Variants in RPN1 observed in about 807,000 individuals in gnomAD.
The protein encoded by RPN1 is dolichyl-diphosphooligosaccharide--protein glycosyltransferase subunit 1.
Under a neutral mutation model 55.5 loss-of-function variants are expected in RPN1, and 12 were observed. That is an observed-to-expected ratio of 0.22 (90% confidence interval 0.14 to 0.35). The LOEUF is 0.35. RPN1 is among the 10% of genes least tolerant of loss of function. RPN1 has a pLI of 1.00. For missense variants in RPN1, 679 were observed against 761.3 expected (o/e 0.89, Z 1.27); for synonymous variants, 317 against 305.9 (o/e 1.04, Z -0.38).
intron 5 of RPN1, among the ~76,000 whole-genome samples, chr3:128,628,925 T>C (rs1448333081): frequency 6.6e-6 from 1 of 151,924 alleles, no homozygotes; most frequent in Non-Finnish European, 1.5e-5. Flanking sequence ...GAGGTTGCAG[T>C]GAGTGAAGAT....
chr3:128,622,471 C>G (rs1338656159), intron 8 of RPN1, 62 bp from the exon 9 acceptor site: 2 of 1,595,568 alleles, frequency 1.3e-6, no homozygotes, highest in African/African-American at 2.7e-5. Flanking sequence ...CTGACCTTAT[C>G]TCCCAAAGAA....
At position 128,650,742 on chromosome 3, in the gene RPN1, G is replaced by T; in HGVS notation, c.59C>A (p.Ala20Glu). 6.4e-7 allele frequency: 1 copy of T among 1,553,494 alleles called. No individual in the cohort carries two copies. The change falls in exon 1 of 10, where the codon GCG becomes GAG. Residue 20 changes from alanine to glutamate, a missense_variant. Ala to Glu is a moderately radical substitution (Grantham distance 107). Transcript: ENST00000296255. Reference sequence around the variant, plus strand: ...TGCCTCGGAGGAGGCGCTGCCCGGCGCCGGGGCCCAAGTCCCAAGCAACAG... The same window carrying T: ...TGCCTCGGAGGAGGCGCTGCCCGGCTCCGGGGCCCAAGTCCCAAGCAACAG... ...LLLLLGTWAP[A>E]PGSASSEAPP...
At chr3:128,633,758 G>A (rs987095025) in intron 3 of RPN1, among the ~76,000 whole-genome samples, 3 of 152,116 alleles carry the variant, frequency 2.0e-5, no homozygotes, top group Admixed American at 6.5e-5. Context: ...GCCAAGGCGG[G>A]CAGATCACAA....
chr3:128,638,683 T>C (rs1385595380), intron 2 of RPN1, among the ~76,000 whole-genome samples: 5 of 152,138 alleles, frequency 3.3e-5, no homozygotes, highest in African/African-American at 1.2e-4. Context: ...GGTGATCTCT[T>C]GGCTGGGTGC....
At position 128,621,978 on chromosome 3, in the gene RPN1, C is replaced by T. The variant is rs144498790; in HGVS notation, c.1641+186G>A. ...CAGAGCTTCCTCCACACCCAGCTCA[C>T]ACCAGGACCCCAAAAATCCCTTTTT... is the stretch of plus-strand genomic sequence containing the variant. On this transcript the variant is annotated intron_variant, in intron 9 of 9. Coordinates refer to ENST00000296255, the MANE Select transcript of RPN1 (RefSeq NM_002950.4). Among the ~76,000 whole-genome samples, 82 of 152,350 alleles carry T rather than the reference C, an allele frequency of 5.4e-4. 1 individual carries two copies. In the East Asian group the frequency reaches 0.016, roughly 29 times the overall value.
At chr3:128,641,093 C>G (rs2069720755) in intron 2 of RPN1, 1 of 151,738 alleles carries the variant, frequency 6.6e-6, no homozygotes, top group Non-Finnish European at 1.5e-5. Context: ...GTACATGGAG[C>G]AGGTCTTTTT....
chr3:128,632,791 C>T (rs1269861485), intron 3 of RPN1, among the ~76,000 whole-genome samples: 4 of 152,112 alleles, frequency 2.6e-5, no homozygotes, highest in Admixed American at 6.6e-5. Flanking sequence ...GATGGGGTTT[C>T]ACCATGTTGG....
At chr3:128,626,318 G>A (rs1024189511) in intron 6 of RPN1, among the ~76,000 whole-genome samples, 4 of 152,188 alleles carry the variant, frequency 2.6e-5, no homozygotes, top group African/African-American at 9.7e-5. Flanking sequence ...CAGCTCTCCT[G>A]TACATCCTAC....
In RPN1 at chr3:128,638,054, C is replaced by G; in HGVS notation, c.378G>C (p.Lys126Asn). The G allele has an allele frequency of 6.2e-7, 1 of 1,614,094 alleles. No individual in the cohort carries two copies. Among genetic ancestry groups the G allele is most frequent in the Non-Finnish European group, 8.5e-7 (1 of 1,179,992 alleles). ...KLPVALDPGA[K>N]ISVIVETVYT... Reference sequence around the variant, plus strand: ...AGACTGTTTCCACAATGACTGAAATCTTGGCCCCAGGATCAAGAGCAACTG... The same window carrying G: ...AGACTGTTTCCACAATGACTGAAATGTTGGCCCCAGGATCAAGAGCAACTG... Residue 126 changes from lysine to asparagine, a missense_variant, in exon 3 of 10, where the codon AAG becomes AAC. By Grantham distance (94) the Lys-to-Asn change is moderately conservative (BLOSUM62 0). Around this residue, in one of 3 missense-constraint regions of RPN1, gnomAD observed 352 missense variants for 352.8 expected, o/e 1.00. Coordinates refer to ENST00000296255, the MANE Select transcript of RPN1 (RefSeq NM_002950.4).
At chr3:128,626,413 C>T (rs752245660) in intron 6 of RPN1, among the ~76,000 whole-genome samples, 2 of 152,148 alleles carry the variant, frequency 1.3e-5, no homozygotes, top group African/African-American at 4.8e-5. Flanking sequence ...GAGCTTCTTA[C>T]GGGGCAGGGG....
At chr3:128,639,664 C>T (rs568637324) in intron 2 of RPN1, among the ~76,000 whole-genome samples, 57 of 151,806 alleles carry the variant, frequency 3.8e-4, no homozygotes, top group African/African-American at 1.2e-3. Flanking sequence ...CTTGGCTCAC[C>T]GCAACCTCCG....
In RPN1 at chr3:128,622,028, GA is replaced by G. The variant is rs1432136051; in HGVS notation, c.1641+135del. On this transcript the variant is annotated intron_variant, in intron 9 of 9. Transcript: ENST00000296255. Reference sequence around the variant, plus strand: ...TCCTCCACAAGGACTGGCACCACATGAAAAGTTATGGCCAGATGCAGTCTTA... The same window carrying G: ...TCCTCCACAAGGACTGGCACCACATGAAAGTTATGGCCAGATGCAGTCTTA... 8.1e-6 allele frequency: 7 copies of G among 864,034 alleles called. No homozygotes were observed. The African/African-American group carries it at 1.0e-4, about 12-fold the overall frequency. 53.5% of individuals were successfully genotyped at this position (864,034 alleles called of 1,614,324 possible).
At chr3:128,629,111 G>T (rs1427728134) in intron 5 of RPN1, among the ~76,000 whole-genome samples, 1 of 151,968 alleles carries the variant, frequency 6.6e-6, no homozygotes, top group Non-Finnish European at 1.5e-5. Context: ...CTTTGAGAAG[G>T]AAGAGGTACA....
intron 1 of RPN1, among the ~76,000 whole-genome samples, chr3:128,649,868 T>G (rs11918394): frequency 0.2 from 31,074 of 152,094 alleles, 3,450 homozygotes; most frequent in East Asian, 0.41. Flanking sequence ...AAAACTAACT[T>G]TAAAAAGAGT....
In RPN1 at chr3:128,632,038, C is replaced by CT; in HGVS notation, c.752dup (p.His252AlafsTer7). 1 of 1,614,172 alleles carries CT rather than the reference C, an allele frequency of 6.2e-7. No homozygotes were observed. Among genetic ancestry groups the CT allele is most frequent in the Non-Finnish European group, 8.5e-7 (1 of 1,180,050 alleles). Reference sequence around the variant, plus strand: ...GCCCCTTAAGCACAGCTCCTGTGTGCTTTAAGTCCACATTTTCTTCCACAG... The same window carrying CT: ...GCCCCTTAAGCACAGCTCCTGTGTGCTTTTAAGTCCACATTTTCTTCCACAG... On this transcript the variant is annotated frameshift_variant, in exon 4 of 10. Transcript: ENST00000296255. LOFTEE classifies it high-confidence loss of function.
chr3:128,629,142 T>C (rs530929133), intron 5 of RPN1, among the ~76,000 whole-genome samples: 2 of 151,848 alleles, frequency 1.3e-5, no homozygotes, highest in South Asian at 2.1e-4. Flanking sequence ...TTTGAGTAGC[T>C]AGCAAATTTT....
intron 5 of RPN1, chr3:128,627,046 A>C (rs1268113871): frequency 3.6e-6 from 2 of 551,722 alleles, no homozygotes; most frequent in African/African-American, 1.9e-5. Flanking sequence ...GACAGCCACA[A>C]GACCTTCACG....
chr3:128,634,883 T>TA (rs1178517632), intron 3 of RPN1, among the ~76,000 whole-genome samples: 1 of 152,058 alleles, frequency 6.6e-6, no homozygotes, highest in East Asian at 1.9e-4. Context: ...TCTATTAACT[T>TA]AAAATGGAGG....
intron 8 of RPN1, among the ~76,000 whole-genome samples, chr3:128,624,274 G>A (rs1173095488): frequency 1.3e-5 from 2 of 152,130 alleles, no homozygotes; most frequent in African/African-American, 4.8e-5. Context: ...CACGAGGTCA[G>A]GAGATTGAGA....
Sources: allele counts gnomAD v4.1 joint callset (sites outside exome capture counted in the v4.1 genomes callset), GRCh38; gene constraint gnomAD v4.1.1; regional missense constraint gnomAD v4.1.1; transcripts MANE v1.5; gene names NCBI Gene and HGNC (gene_info 2026-07-23, HGNC 2026-07-21).